The following CABIN1 variants were observed in gnomAD, a reference collection of about 807,000 sequenced individuals.
CABIN1 encodes calcineurin binding protein 1.
Under a neutral mutation model 227.7 loss-of-function variants are expected in CABIN1, and 133 were observed. The ratio of observed to expected loss-of-function variants is 0.58; its 90% CI spans 0.51 to 0.67. The LOEUF (loss-of-function observed/expected upper bound fraction) is 0.67, where lower values mean the gene tolerates loss of function less well. Ranked by LOEUF, CABIN1 falls within the 30% of genes least tolerant of loss-of-function variation. The pLI is 0.00. For missense variants in CABIN1, 2,408 were observed against 2,852.5 expected (o/e 0.84, Z 3.55); for synonymous variants, 1,086 against 1,155.1 (o/e 0.94, Z 1.21).
rs117935991 is a variant in CABIN1, at chr22:24,131,478, C to T, written c.4633-2824C>T. Among the ~76,000 whole-genome samples, 126 of 152,274 alleles carry T rather than the reference C, an allele frequency of 8.3e-4. 1 individual carries two copies. In the East Asian group the frequency reaches 0.022, roughly 26 times the overall value. ...CTAGGCAGCCTGCCTCTGCTCTGGG[C>T]CCTGCAGCCCATGGTCTTAGCACTT... On this transcript the variant is annotated intron_variant, in intron 28 of 36. Coordinates refer to ENST00000263119, the MANE Select transcript of CABIN1 (RefSeq NM_012295.4).
intron 1 of CABIN1, among the ~76,000 whole-genome samples, chr22:24,034,942 C>A (rs1006811891): frequency 2.6e-5 from 4 of 152,242 alleles, no homozygotes; most frequent in African/African-American, 4.8e-5. Flanking sequence ...TTTCCATCCT[C>A]CATTCACATC....
chr22:24,169,459 G>A (rs960939786), intron 33 of CABIN1, among the ~76,000 whole-genome samples: 3 of 152,322 alleles, frequency 2.0e-5, no homozygotes, highest in East Asian at 3.9e-4. Context: ...TTACGTCTGC[G>A]GAAGCCCTCG....
intron 23 of CABIN1, among the ~76,000 whole-genome samples, chr22:24,088,146 G>C (rs567952982): frequency 2.6e-5 from 4 of 152,162 alleles, no homozygotes; most frequent in Non-Finnish European, 5.9e-5. Flanking sequence ...CTGGCCCTTA[G>C]GTCTCTGTTC....
Position 24,061,961 on chromosome 22 carries a change from GT to G in CABIN1, c.1633del (p.Ser545LeufsTer14). The G allele has an allele frequency of 6.2e-7, 1 of 1,613,818 alleles. No individual in the cohort carries two copies. The highest frequency in any genetic ancestry group is 8.5e-7 in the Non-Finnish European group (1 of 1,179,798). Reference protein sequence around the residue: ...NKHIKDMMLMSLSCMELQLDQ... With the variant: ...NKHIKDMMLMXLSCMELQLDQ... ...CTGTCCTGCAGGACATGATGCTGAT[GT>G]CTCTCTCCTGCATGGAACTCCAGCT... On this transcript the variant is annotated frameshift_variant, in exon 13 of 37. Transcript: ENST00000263119. LOFTEE classifies it high-confidence loss of function.
intron 1 of CABIN1, among the ~76,000 whole-genome samples, chr22:24,032,303 T>G (rs2036553664): frequency 6.6e-6 from 1 of 152,264 alleles, no homozygotes; most frequent in Non-Finnish European, 1.5e-5. Context: ...TTTCATGTTG[T>G]AGCATGTGCT....
At chr22:24,071,372 C>T (rs985800589) in intron 17 of CABIN1, among the ~76,000 whole-genome samples, 4 of 152,128 alleles carry the variant, frequency 2.6e-5, no homozygotes, top group Non-Finnish European at 4.4e-5. Flanking sequence ...GGGGCCAGAG[C>T]GCAGGCCGGG....
intron 29 of CABIN1, among the ~76,000 whole-genome samples, chr22:24,141,795 T>A (rs1229555324): frequency 1.3e-5 from 2 of 152,178 alleles, no homozygotes; most frequent in African/African-American, 4.8e-5. Context: ...CCACAGGTGG[T>A]TCTGTTTGTC....
intron 19 of CABIN1, among the ~76,000 whole-genome samples, chr22:24,079,425 G>A (rs1401318622): frequency 1.3e-5 from 2 of 151,406 alleles, no homozygotes; most frequent in African/African-American, 2.4e-5. Context: ...CCTGTAAAAG[G>A]AACTACTGGA....
Position 24,178,526 on chromosome 22 carries a change from G to T in CABIN1, c.*330G>T. 1 of 379,750 alleles carries T rather than the reference G, an allele frequency of 2.6e-6. No homozygotes were observed. The allele number at this position is 379,750 out of a possible 1,614,324, so 23.5% of individuals were successfully genotyped here. On this transcript the variant is annotated 3_prime_UTR_variant, in exon 37 of 37. Transcript: ENST00000263119. ...CTGGCCATATCCACCCCTCGACGCC[G>T]GGATGAGCCGGCTCTGCCTGTGTCA...
chr22:24,098,253 T>C, intron 26 of CABIN1, 61 bp downstream of exon 26: 1 of 1,481,940 alleles, frequency 6.7e-7, no homozygotes, highest in Non-Finnish European at 9.2e-7. Flanking sequence ...GGGGGGGTGC[T>C]CGGACGACTC....
chr22:24,136,060 T>A (rs2044375313), intron 29 of CABIN1, among the ~76,000 whole-genome samples: 1 of 152,126 alleles, frequency 6.6e-6, no homozygotes, highest in Non-Finnish European at 1.5e-5. Context: ...AAAAGAGAGG[T>A]GCTCTCTTAT....
In CABIN1 at chr22:24,054,863, C is replaced by A; in HGVS notation, c.807-10C>A. ...GGTGGTGATCAGGTGTTGTGGCCCT[C>A]TCCCTTTAGCTGGAAGTGCCTCGGA... On this transcript the variant is annotated splice_polypyrimidine_tract_variant and intron_variant, in intron 8 of 36. Coordinates refer to ENST00000263119, the MANE Select transcript of CABIN1 (RefSeq NM_012295.4). 1.9e-6 allele frequency: 3 copies of A among 1,614,178 alleles called. No individual in the cohort carries two copies. Among genetic ancestry groups the A allele is most frequent in the Non-Finnish European group, 2.5e-6 (3 of 1,180,030 alleles).
rs1164500719 is a variant in CABIN1, at chr22:24,087,474, G to T, written c.3286G>T (p.Ala1096Ser). 25 of 1,613,848 alleles carry T rather than the reference G, an allele frequency of 1.5e-5. No individual in the cohort carries two copies. Among genetic ancestry groups the T allele is most frequent in the Non-Finnish European group, 2.0e-5 (24 of 1,180,038 alleles). ...CAGGTTTGATTCCTGGGCAGGCATGGCTCTGGCCCGGGCCAGCCGCATTCA... is the reference window on the plus strand; with the variant it reads ...CAGGTTTGATTCCTGGGCAGGCATGTCTCTGGCCCGGGCCAGCCGCATTCA... ...PNRFDSWAGMALARASRIQDK... is the reference protein window; with the variant it reads ...PNRFDSWAGMSLARASRIQDK... Residue 1096 changes from alanine (A) to serine (S), a missense_variant, in exon 23 of 37, where the codon GCT (alanine) becomes TCT (serine). This residue lies in a region of CABIN1 where 649 missense variants were observed against 910.3 expected (regional missense o/e 0.71). Coordinates refer to ENST00000263119, the MANE Select transcript of CABIN1 (RefSeq NM_012295.4).
At chr22:24,140,373 C>T (rs115086569) in intron 29 of CABIN1, among the ~76,000 whole-genome samples, 1,528 of 152,256 alleles carry the variant, frequency 0.01, 29 homozygotes, top group African/African-American at 0.033. Context: ...TTCCACACAC[C>T]GTCCTCCCTG....
At chr22:24,076,136 A>G (rs2040424111) in intron 18 of CABIN1, 33 bp from the exon 19 acceptor site, 3 of 1,562,128 alleles carry the variant, frequency 1.9e-6, no homozygotes, top group Non-Finnish European at 1.8e-6. Context: ...TTCCCACACT[A>G]ACTCTGTGTC....
At chr22:24,111,662 A>C (rs1033166168) in intron 26 of CABIN1, among the ~76,000 whole-genome samples, 1 of 152,252 alleles carries the variant, frequency 6.6e-6, no homozygotes, top group Non-Finnish European at 1.5e-5. Flanking sequence ...ATCTCATGCA[A>C]GAATATTGTA....
chr22:24,091,594 G>T lies in CABIN1; in HGVS notation c.3537G>T (p.Arg1179=), dbSNP rs1294174518. The T allele has an allele frequency of 3.1e-6, 5 of 1,614,204 alleles. No homozygotes were observed. Among genetic ancestry groups the T allele is most frequent in the Non-Finnish European group, 4.2e-6 (5 of 1,180,044 alleles). The change falls in exon 24 of 37, where the codon CGG becomes CGT. Residue 1179 remains arginine (R), a synonymous_variant. Coordinates refer to ENST00000263119, the MANE Select transcript of CABIN1 (RefSeq NM_012295.4). ...TGATCTTCTTACAGATGGAGGGCCGGCGCGACAGCATGCTAGAGACAGCCA... is the reference window on the plus strand; with the variant it reads ...TGATCTTCTTACAGATGGAGGGCCGTCGCGACAGCATGCTAGAGACAGCCA... ...PPELVQQMEG[R]RDSMLETAKH... is the part of the protein sequence containing the mutation.
Position 24,061,926 on chromosome 22 carries a change from C to T in CABIN1, c.1618-21C>T, listed in dbSNP as rs2039222550. The T allele has an allele frequency of 2.5e-6, 4 of 1,602,374 alleles. No homozygotes were observed. The East Asian group carries it at 8.9e-5, about 36-fold the overall frequency. Reference sequence around the variant, plus strand: ...GAGGCTTTGTGATACTGTTCTTGACCTTCCTGTGTCTGTCCTGCAGGACAT... The same window carrying T: ...GAGGCTTTGTGATACTGTTCTTGACTTTCCTGTGTCTGTCCTGCAGGACAT... On this transcript the variant is annotated intron_variant, in intron 12 of 36. Coordinates refer to ENST00000263119, the MANE Select transcript of CABIN1 (RefSeq NM_012295.4).
intron 23 of CABIN1, among the ~76,000 whole-genome samples, chr22:24,089,182 T>C (rs2041373008): frequency 6.6e-6 from 1 of 152,202 alleles, no homozygotes; most frequent in African/African-American, 2.4e-5. Context: ...AGTGGGAGTT[T>C]TCCAGGAAAT....
Sources: gnomAD v4.1 joint callset for allele counts (sites outside exome capture counted in the v4.1 genomes callset) on GRCh38, gnomAD v4.1.1 for gene constraint, gnomAD v4.1.1 regional missense constraint, MANE v1.5 for transcripts, NCBI Gene and HGNC (gene_info 2026-07-23, HGNC 2026-07-21) for gene names.